TRAK1: variants seen among roughly 807,000 people sequenced by gnomAD.
The protein encoded by TRAK1 is trafficking kinesin-binding protein 1.
In TRAK1, 33 loss-of-function variants were observed where a neutral mutation model predicts 92.1. That is an observed-to-expected ratio of 0.36 (90% CI 0.27 to 0.48). The LOEUF (loss-of-function observed/expected upper bound fraction) is 0.48. Among genes scored for constraint, TRAK1 ranks in the 20% least tolerant of loss-of-function variants. TRAK1 has a pLI of 0.99. For missense variants in TRAK1, 1,123 were observed against 1,257.9 expected, an observed-to-expected ratio of 0.89 and a Z score of 1.62; for synonymous variants, 521 against 517.3, an observed-to-expected ratio of 1.01 and a Z score of -0.10.
chr3:42,188,194 C>A (rs766190227), intron 5 of TRAK1, 49 bp downstream of exon 5: 3 of 1,577,078 alleles, frequency 1.9e-6, no homozygotes, highest in Non-Finnish European at 2.6e-6. Flanking sequence ...ACAGGCTGGC[C>A]GCTGTTGATG....
In TRAK1 at chr3:42,184,726, G is replaced by A. The variant is rs141558684; in HGVS notation, c.405G>A (p.Ser135=). 3.2e-5 allele frequency: 51 copies of A among 1,614,064 alleles called. No homozygotes were observed. The highest frequency in any genetic ancestry group is 4.0e-5 in the African/African-American group (3 of 74,920). The stretch of plus-strand genomic sequence containing the variant: ...AATTGGCCGCTCGCATCGGCCAGTC[G>A]TTGTTGAAGAAGAACAAGACCCTAA... ...DLELAARIGQ[S]LLKKNKTLTE... The change falls in exon 4 of 16, where the codon TCG becomes TCA. Residue 135 remains serine, a synonymous_variant. Coordinates refer to ENST00000327628, the MANE Select transcript of TRAK1 (RefSeq NM_001042646.3).
intron 14 of TRAK1, chr3:42,211,725 G>C: frequency 1.0e-6 from 1 of 985,452 alleles, no homozygotes; most frequent in Non-Finnish European, 1.2e-6. Context: ...GGAGGATAGA[G>C]AGAGAGAAGG....
In TRAK1 at chr3:42,125,745, A is replaced by G. The variant is rs142940866; in HGVS notation, c.286+131A>G. On this transcript the variant is annotated intron_variant, in intron 2 of 15. Transcript: ENST00000327628. ...CACCTCTGGAAAGGTAGTCAAAGAA[A>G]TGCGGCTGTAGGGGTTAACCGCACA... is the stretch of plus-strand genomic sequence containing the variant. 1.6e-3 allele frequency: 1,668 copies of G among 1,039,628 alleles called. 4 individuals are homozygous for G. The highest frequency in any genetic ancestry group is 4.5e-3 in the South Asian group (241 of 53,980). 64.4% of individuals were successfully genotyped at this position (1,039,628 alleles called of 1,614,324 possible).
chr3:42,127,038 T>C (rs1286590194), intron 2 of TRAK1, among the ~76,000 whole-genome samples: 1 of 152,204 alleles, frequency 6.6e-6, no homozygotes, highest in African/African-American at 2.4e-5. Context: ...CTAATGTGTC[T>C]TGTAGCATAT....
chr3:42,142,802 G>A (rs1698834366), intron 2 of TRAK1, among the ~76,000 whole-genome samples: 1 of 152,152 alleles, frequency 6.6e-6, no homozygotes, highest in African/African-American at 2.4e-5. Flanking sequence ...GGCCTTTACA[G>A]ACTCACCTTG....
chr3:42,212,056 T>A, intron 14 of TRAK1: 1 of 985,432 alleles, frequency 1.0e-6, no homozygotes, highest in South Asian at 4.7e-5. Context: ...ATGAATTGGC[T>A]CTATTTTCTC....
intron 2 of TRAK1, among the ~76,000 whole-genome samples, chr3:42,172,009 T>A (rs915259084): frequency 5.3e-5 from 8 of 152,164 alleles, no homozygotes; most frequent in Non-Finnish European, 1.0e-4. Context: ...CCCAGTCATA[T>A]GTCTCCCTCT....
chr3:42,116,748 A>G (rs187398875), intron 1 of TRAK1, among the ~76,000 whole-genome samples: 1 of 152,236 alleles, frequency 6.6e-6, no homozygotes, highest in Admixed American at 6.5e-5. Context: ...CATGCTCTGC[A>G]CCCACCTCTC....
chr3:42,068,602 A>G (rs11129937), intron 1 of TRAK1, among the ~76,000 whole-genome samples: 83,595 of 152,088 alleles, frequency 0.55, 23,554 homozygotes, highest in South Asian at 0.68. Context: ...GTGAACTAAA[A>G]CAGGTAGAAG....
chr3:42,041,441 C>T (rs1465918023), intron 1 of TRAK1, among the ~76,000 whole-genome samples: 1 of 152,070 alleles, frequency 6.6e-6, no homozygotes, highest in East Asian at 1.9e-4. Context: ...AAAAATACGA[C>T]TGATTTGGTA....
In TRAK1 at chr3:42,200,893, C is replaced by A; in HGVS notation, c.1266C>A (p.Pro422=). 1 of 1,614,204 alleles carries A rather than the reference C, an allele frequency of 6.2e-7. No homozygotes were observed. Among genetic ancestry groups the A allele is most frequent in the South Asian group, 1.1e-5 (1 of 91,080 alleles). ...VVKQRSLTPS[P]MNIPGSNQSS... ...AGCAGAGATCTCTGACCCCTTCTCC[C>A]ATGAACATCCCCGGCTCCAACCAGT... is the stretch of plus-strand genomic sequence containing the variant. The change falls in exon 12 of 16, where the codon CCC becomes CCA. Residue 422 remains proline (P), a synonymous_variant. Coordinates refer to ENST00000327628, the MANE Select transcript of TRAK1 (RefSeq NM_001042646.3).
At chr3:42,126,163 T>C (rs1036303950) in intron 2 of TRAK1, among the ~76,000 whole-genome samples, 3 of 151,996 alleles carry the variant, frequency 2.0e-5, no homozygotes, top group South Asian at 2.1e-4. Context: ...TTTTTTTGAC[T>C]GTACAGAAGA....
chr3:42,150,559 G>A (rs922685034), intron 2 of TRAK1, among the ~76,000 whole-genome samples: 1 of 152,172 alleles, frequency 6.6e-6, no homozygotes, highest in Non-Finnish European at 1.5e-5. Context: ...GATAAGGTAA[G>A]TGCTTTTTAA....
intron 1 of TRAK1, among the ~76,000 whole-genome samples, chr3:42,111,896 A>G (rs1383049031): frequency 6.7e-6 from 1 of 149,854 alleles, no homozygotes; most frequent in East Asian, 2.0e-4. Flanking sequence ...GTTTTGAAAG[A>G]TGCTGTGGGC....
chr3:42,030,905 A>G (rs1702117818), intron 1 of TRAK1, among the ~76,000 whole-genome samples: 1 of 151,902 alleles, frequency 6.6e-6, no homozygotes, highest in Non-Finnish European at 1.5e-5. Context: ...TGGCAGAAGT[A>G]AGAAGGTAAA....
At chr3:42,206,944 G>A (rs975575968) in intron 13 of TRAK1, among the ~76,000 whole-genome samples, 2 of 152,168 alleles carry the variant, frequency 1.3e-5, no homozygotes, top group African/African-American at 4.8e-5. Context: ...AAAGGCCTAT[G>A]AGACTCTTGT....
chr3:42,131,002 C>T (rs570761002), intron 2 of TRAK1, among the ~76,000 whole-genome samples: 49 of 152,246 alleles, frequency 3.2e-4, no homozygotes, highest in African/African-American at 1.2e-3. Flanking sequence ...TTTGCTCATT[C>T]ACTTGTGTCC....
chr3:42,153,413 A>G (rs186422263), intron 2 of TRAK1, among the ~76,000 whole-genome samples: 177 of 152,216 alleles, frequency 1.2e-3, no homozygotes, highest in Middle Eastern at 3.4e-3. Context: ...AATAAAAAAA[A>G]AAGGAATGGT....
At chr3:42,103,330 G>A (rs1707065773) in intron 1 of TRAK1, among the ~76,000 whole-genome samples, 1 of 152,140 alleles carries the variant, frequency 6.6e-6, no homozygotes, top group South Asian at 2.1e-4. Flanking sequence ...ACCACACTCA[G>A]CTAATTTTTG....
Sources: gnomAD v4.1 joint callset for allele counts (sites outside exome capture counted in the v4.1 genomes callset) on GRCh38, gnomAD v4.1.1 for gene constraint, MANE v1.5 for transcripts, NCBI Gene and HGNC (gene_info 2026-07-23, HGNC 2026-07-21) for gene names.